Variants in DCUN1D4 observed in about 807,000 individuals in gnomAD.
The protein encoded by DCUN1D4 is DCN1-like protein 4.
Under a neutral mutation model 47.9 loss-of-function variants are expected in DCUN1D4, and 22 were observed. The observed-to-expected ratio is 0.46, with a 90% CI of 0.33 to 0.66. The LOEUF is 0.66. Among genes scored for constraint, DCUN1D4 ranks in the 30% least tolerant of loss-of-function variants. The pLI, the probability that DCUN1D4 is intolerant of heterozygous loss-of-function variation, is 0.02. For synonymous variants in DCUN1D4, 121 were observed against 112.2 expected, an observed-to-expected ratio of 1.08 and a Z score of -0.50; for missense variants, 301 against 340.8, an observed-to-expected ratio of 0.88 and a Z score of 0.92.
At chr4:51,866,359 G>C (rs1212173509) in intron 3 of DCUN1D4, among the ~76,000 whole-genome samples, 1 of 152,008 alleles carries the variant, frequency 6.6e-6, no homozygotes, top group Non-Finnish European at 1.5e-5. Flanking sequence ...TAACTCTTCT[G>C]TTTGTTAACC....
At chr4:51,834,103 C>CTTTTTTTTTTTTTTTTTTTTTTTTTTT in the DCUN1D4 span, among the ~76,000 whole-genome samples, 76 of 42,572 alleles carry the variant, frequency 1.8e-3, 14 homozygotes, top group East Asian at 0.01. Flanking sequence ...TTTCTTCTTT[C>CTTTTTTTTTTTTTTTTTTTTTTTTTTT]TTTTTTTTTT....
rs1734149678 is a variant in DCUN1D4, at chr4:51,914,678, G to C, written c.*1094G>C. 2 of 152,524 alleles carry C rather than the reference G, an allele frequency of 1.3e-5. No homozygotes were observed. The highest frequency in any genetic ancestry group is 4.1e-4 in the South Asian group (2 of 4,830). The allele number at this position is 152,524 out of a possible 1,614,324, so 9.4% of individuals were successfully genotyped here. On this transcript the variant is annotated 3_prime_UTR_variant, in exon 11 of 11. Transcript: ENST00000334635. ...GTGGACAAGAAACCACCAGCATTGA[G>C]CTAACCCAGTACATGCTAGGACCTG...
upstream of DCUN1D4, among the ~76,000 whole-genome samples, chr4:51,842,819 C>T (rs1721807849): frequency 6.6e-6 from 1 of 152,232 alleles, no homozygotes; most frequent in Non-Finnish European, 1.5e-5. Context: ...CTCCACCAAT[C>T]CCGCCCGCCA....
In DCUN1D4 at chr4:51,848,526, T is replaced by C. The variant is rs564878965; in HGVS notation, c.25+5259T>C. 3.3e-5 allele frequency among the ~76,000 whole-genome samples: 5 copies of C among 152,356 alleles called. No homozygotes were observed. The South Asian group carries it at 8.3e-4, about 25-fold the overall frequency. ...AGAGTAAAATTTTCTTTGATGAATC[T>C]GACATAAATGCTGGTAAATTTTTAT... is the stretch of plus-strand genomic sequence containing the variant. On this transcript the variant is annotated intron_variant, in intron 1 of 10. Coordinates refer to ENST00000334635, the MANE Select transcript of DCUN1D4 (RefSeq NM_001040402.3).
chr4:51,842,522 G>A (rs977696276), upstream of DCUN1D4, among the ~76,000 whole-genome samples: 1 of 152,220 alleles, frequency 6.6e-6, no homozygotes, highest in Admixed American at 6.5e-5. Flanking sequence ...CCCACCAGAA[G>A]GTTTGCTGGA....
intron 5 of DCUN1D4, among the ~76,000 whole-genome samples, chr4:51,881,174 A>G (rs1728544732): frequency 6.6e-6 from 1 of 152,170 alleles, no homozygotes; most frequent in Non-Finnish European, 1.5e-5. Flanking sequence ...TTATCTAATA[A>G]CTTCCACTTT....
intron 7 of DCUN1D4, among the ~76,000 whole-genome samples, chr4:51,898,577 T>C (rs902728564): frequency 6.6e-6 from 1 of 152,176 alleles, no homozygotes; most frequent in Non-Finnish European, 1.5e-5. Flanking sequence ...TGGAAAATGG[T>C]GGACACCACC....
intron 5 of DCUN1D4, among the ~76,000 whole-genome samples, chr4:51,879,959 T>C (rs1189188137): frequency 2.0e-5 from 3 of 152,198 alleles, no homozygotes; most frequent in Non-Finnish European, 4.4e-5. Flanking sequence ...TTAAGCTACA[T>C]TATTTAGGTT....
the DCUN1D4 span, among the ~76,000 whole-genome samples, chr4:51,836,096 C>A: frequency 6.6e-6 from 1 of 152,296 alleles, no homozygotes; most frequent in South Asian, 2.1e-4. Flanking sequence ...TGGAACTAAT[C>A]TCTCACTAAC....
chr4:51,899,150 G>T, intron 7 of DCUN1D4, 120 bp from the exon 8 acceptor site: 15 of 1,390,504 alleles, frequency 1.1e-5, no homozygotes, highest in Middle Eastern at 2.7e-4. Context: ...ATAGGTTATG[G>T]ATGTGTTTCA....
upstream of DCUN1D4, among the ~76,000 whole-genome samples, chr4:51,839,280 A>G (rs1721572040): frequency 6.6e-6 from 1 of 152,130 alleles, no homozygotes; most frequent in East Asian, 1.9e-4. Context: ...AAAGCCCAAC[A>G]CAGGAATATT....
intron 1 of DCUN1D4, among the ~76,000 whole-genome samples, chr4:51,861,828 A>G (rs1725098177): frequency 1.3e-5 from 2 of 152,288 alleles, no homozygotes; most frequent in East Asian, 3.9e-4. Context: ...TGGAGGTGCA[A>G]GAGTTGAATG....
intron 6 of DCUN1D4, among the ~76,000 whole-genome samples, chr4:51,887,892 GT>G (rs750579834): frequency 1.5e-4 from 19 of 129,404 alleles, no homozygotes; most frequent in African/African-American, 2.9e-4. Flanking sequence ...TTTTATCTTG[GT>G]TTTTTTTTTG....
rs546444573 is a variant in DCUN1D4 at position 51,858,827 on chromosome 4, T to G, written c.26-4610T>G. Reference sequence around the variant, plus strand: ...AAGCTTTATTGGAAAGCAGCCATACTTACGTATTGTTTATGGCTGCTTTTG... The same window carrying G: ...AAGCTTTATTGGAAAGCAGCCATACGTACGTATTGTTTATGGCTGCTTTTG... On this transcript the variant is annotated intron_variant, in intron 1 of 10. Transcript: ENST00000334635. Among the ~76,000 whole-genome samples the G allele has an allele frequency of 1.1e-4, 17 of 152,366 alleles. No homozygotes were observed. The South Asian group carries it at 3.5e-3, about 32-fold the overall frequency.
chr4:51,870,592 A>G (rs1726732692), intron 3 of DCUN1D4, among the ~76,000 whole-genome samples: 1 of 152,150 alleles, frequency 6.6e-6, no homozygotes. Flanking sequence ...CGTATGACTC[A>G]GTAATGGATG....
rs766797844 is a variant in DCUN1D4 at position 51,877,755 on chromosome 4, A to G, written c.252-8A>G. On this transcript the variant is annotated splice_region_variant and splice_polypyrimidine_tract_variant and intron_variant, in intron 4 of 10. Coordinates refer to ENST00000334635, the MANE Select transcript of DCUN1D4 (RefSeq NM_001040402.3). ...TAAATAACTTAAAACTGCCTTTTCA[A>G]TTTCCAGCATGTATAGAAAATATGA... is the stretch of plus-strand genomic sequence containing the variant. The G allele has an allele frequency of 1.9e-6, 3 of 1,586,572 alleles. No homozygotes were observed. The highest frequency in any genetic ancestry group is 3.6e-5 in the Admixed American group (2 of 56,110).
In DCUN1D4 at chr4:51,915,755, C is replaced by G. The variant is rs1734267102; in HGVS notation, c.*2171C>G. On this transcript the variant is annotated 3_prime_UTR_variant, in exon 11 of 11. Coordinates refer to ENST00000334635, the MANE Select transcript of DCUN1D4 (RefSeq NM_001040402.3). Reference sequence around the variant, plus strand: ...TAATTCTAAAATGAGAGGATTGTTACAGGAGGGAGATGTTACAGTTAATCC... The same window carrying G: ...TAATTCTAAAATGAGAGGATTGTTAGAGGAGGGAGATGTTACAGTTAATCC... The G allele has an allele frequency of 6.6e-6, 1 of 152,450 alleles. No homozygotes were observed. The highest frequency in any genetic ancestry group is 1.5e-5 in the Non-Finnish European group (1 of 67,988). The allele number at this position is 152,450 out of a possible 1,614,324, so 9.4% of individuals were successfully genotyped here.
At chr4:51,863,880 C>T (rs1269760643) in intron 3 of DCUN1D4, among the ~76,000 whole-genome samples, 171 bp downstream of exon 3, 1 of 152,162 alleles carries the variant, frequency 6.6e-6, no homozygotes, top group Non-Finnish European at 1.5e-5. Context: ...ATAGCTTCTT[C>T]CCAGTAGGAA....
chr4:51,834,063 TC>T, the DCUN1D4 span, among the ~76,000 whole-genome samples: 4 of 141,422 alleles, frequency 2.8e-5, no homozygotes, highest in Admixed American at 6.9e-5. Context: ...TCTCTCTCTC[TC>T]TCTCTCTCTC....
Sources: allele counts gnomAD v4.1 joint callset (sites outside exome capture counted in the v4.1 genomes callset), GRCh38; gene constraint gnomAD v4.1.1; transcripts MANE v1.5; gene names NCBI Gene and HGNC (gene_info 2026-07-23, HGNC 2026-07-21).